HECTD4: variants seen among roughly 807,000 people sequenced by gnomAD.
HECTD4 encodes HECT domain E3 ubiquitin protein ligase 4, also known as probable E3 ubiquitin-protein ligase HECTD4.
In HECTD4, 114 loss-of-function variants were observed where a neutral mutation model predicts 471.5. That is an observed-to-expected ratio of 0.24 (90% CI 0.21 to 0.28). HECTD4 has a LOEUF of 0.28. HECTD4 is among the 10% of genes least tolerant of loss of function. The pLI, the probability that HECTD4 is intolerant of heterozygous loss-of-function variation, is 1.00. For synonymous variants in HECTD4, 2,012 were observed against 2,256.0 expected (o/e 0.89, Z 3.07); for missense variants, 3,866 against 5,651.5 (o/e 0.68, Z 10.13).
In HECTD4 at chr12:112,265,252, G is replaced by A. The variant is rs753160177; in HGVS notation, c.2542C>T (p.Arg848Ter). The A allele has an allele frequency of 1.9e-6, 3 of 1,588,788 alleles. No individual in the cohort carries two copies. The highest frequency in any genetic ancestry group is 2.7e-5 in the African/African-American group (2 of 74,326). ...LLHYILKIVV[R>*]ESCILITKCQ... The stretch of plus-strand genomic sequence containing the variant: ...TTGGTGATTAAGATACAGGATTCTC[G>A]TACAACAATCTTCAGAATGTAGTGT... Residue 848 changes from arginine to a stop codon, truncating the protein, a stop_gained, in exon 16 of 76, where the codon CGA becomes TGA. Transcript: ENST00000682272. LOFTEE classifies it high-confidence loss of function.
intron 8 of HECTD4, among the ~76,000 whole-genome samples, chr12:112,282,180 G>C (rs889993363): frequency 6.6e-6 from 1 of 152,076 alleles, no homozygotes; most frequent in African/African-American, 2.4e-5. Context: ...TCAGGAGATC[G>C]AGACCATCCT....
At position 112,243,912 on chromosome 12, in the gene HECTD4, A is replaced by G. The variant is rs774117409; in HGVS notation, c.4611T>C (p.Ile1537=). The G allele has an allele frequency of 3.3e-5, 53 of 1,613,900 alleles. No individual in the cohort carries two copies. The highest frequency in any genetic ancestry group is 6.7e-5 in the East Asian group (3 of 44,904). ...TAGTAAATTCCAAATCTTCATTACC[A>G]ATCATTTCCAGGTCAGAAGGAGCTG... The part of the protein sequence containing the change: ...SMSAPSDLEM[I]GNEDLEFTRA... Residue 1537 remains isoleucine, a synonymous_variant, in exon 30 of 76, where the codon ATT becomes ATC. Transcript: ENST00000682272. The surrounding 1 kb of genome is among the most constrained non-coding windows in gnomAD (Gnocchi z 6.6).
intron 1 of HECTD4, chr12:112,322,366 G>C (rs1313212546): frequency 2.0e-5 from 3 of 151,732 alleles, no homozygotes; most frequent in Admixed American, 2.0e-4. Flanking sequence ...GGGAGACCCT[G>C]TCTCAAAAAA....
chr12:112,312,488 G>A (rs779985262), intron 4 of HECTD4, among the ~76,000 whole-genome samples: 20 of 152,234 alleles, frequency 1.3e-4, no homozygotes, highest in Non-Finnish European at 2.2e-4. Flanking sequence ...CATTTTTGTT[G>A]AGATAATGTA....
intron 48 of HECTD4, among the ~76,000 whole-genome samples, chr12:112,215,143 A>T (rs1320348788): frequency 6.6e-6 from 1 of 152,054 alleles, no homozygotes; most frequent in Non-Finnish European, 1.5e-5. Context: ...ACAGAGCAAG[A>T]CTCCACTTCA....
chr12:112,296,219 A>G (rs1197620198), intron 7 of HECTD4, among the ~76,000 whole-genome samples: 8 of 148,194 alleles, frequency 5.4e-5, no homozygotes. Flanking sequence ...AGACAGTGGT[A>G]GGTGCAGACA....
intron 1 of HECTD4, among the ~76,000 whole-genome samples, chr12:112,327,994 G>A (rs960184418): frequency 3.3e-5 from 5 of 152,124 alleles, no homozygotes; most frequent in South Asian, 2.1e-4. Context: ...TATACTCCCC[G>A]GTATGGGACA....
Position 112,184,498 on chromosome 12 carries a change from T to G in HECTD4, c.10468A>C (p.Ser3490Arg). 1 of 1,609,368 alleles carries G rather than the reference T, an allele frequency of 6.2e-7. No homozygotes were observed. Among genetic ancestry groups the G allele is most frequent in the Non-Finnish European group, 8.5e-7 (1 of 1,178,178 alleles). The change falls in exon 61 of 76, where the codon AGC (serine) becomes CGC (arginine). Residue 3490 changes from serine to arginine, a missense_variant. Transcript: ENST00000682272. This position sits in a 1 kb window ranked among gnomAD's most constrained non-coding sequence, Gnocchi z 9.1. ...AMSISASAST[S>R]QASICSSQGI... ...TGCGAGCTGCAGATGGAGGCCTGGC[T>G]GGTGGAGGCGGAGGCGCTGATGCTC...
chr12:112,302,003 C>T (rs1399187479), intron 7 of HECTD4: 2 of 915,016 alleles, frequency 2.2e-6, no homozygotes, highest in African/African-American at 1.6e-5. Flanking sequence ...GTCATTGGTC[C>T]TGATACCTTC....
intron 1 of HECTD4, among the ~76,000 whole-genome samples, chr12:112,357,889 C>T (rs1431730464): frequency 6.6e-6 from 1 of 152,192 alleles, no homozygotes; most frequent in Non-Finnish European, 1.5e-5. Context: ...ACTGCAGAAG[C>T]CTCCATGTTC....
At chr12:112,277,047 TAC>T (rs1340790460) in intron 9 of HECTD4, among the ~76,000 whole-genome samples, 3 of 152,130 alleles carry the variant, frequency 2.0e-5, no homozygotes, top group Non-Finnish European at 2.9e-5. Context: ...AGGGTAAACA[TAC>T]AGTTACCATA....
At position 112,235,805 on chromosome 12, in the gene HECTD4, G is replaced by GGTACAC. The variant is rs765632394; in HGVS notation, c.5445-27_5445-22dup. 6.3e-7 allele frequency: 1 copy of GGTACAC among 1,592,856 alleles called. No homozygotes were observed. Among genetic ancestry groups the GGTACAC allele is most frequent in the South Asian group, 1.1e-5 (1 of 87,520 alleles). On this transcript the variant is annotated intron_variant, in intron 35 of 75. Transcript: ENST00000682272. The surrounding 1 kb of genome is among the most constrained non-coding windows in gnomAD (Gnocchi z 5.0). ...GGCTCCTGGGAAAAAAGGAAGAAAA[G>GGTACAC]GTACACAGTGCTAGAAATGTTGATC...
intron 8 of HECTD4, among the ~76,000 whole-genome samples, chr12:112,280,065 C>A (rs2135636527): frequency 6.6e-6 from 1 of 151,636 alleles, no homozygotes; most frequent in Non-Finnish European, 1.5e-5. Flanking sequence ...TTTTTTTTTC[C>A]CATTTTATAT....
chr12:112,288,497 C>G (rs182864420), intron 7 of HECTD4, among the ~76,000 whole-genome samples: 2 of 152,098 alleles, frequency 1.3e-5, no homozygotes, highest in Admixed American at 1.3e-4. Context: ...TGGCATGAGC[C>G]TGTAGTCCCA....
At chr12:112,221,649 C>T (rs571653239) in intron 44 of HECTD4, among the ~76,000 whole-genome samples, 5 of 152,148 alleles carry the variant, frequency 3.3e-5, no homozygotes, top group Admixed American at 6.5e-5. Flanking sequence ...TAACCTGGTG[C>T]GGTTTCTCAT....
At chr12:112,292,980 C>A (rs1483506586) in intron 7 of HECTD4, among the ~76,000 whole-genome samples, 1 of 151,448 alleles carries the variant, frequency 6.6e-6, no homozygotes, top group East Asian at 1.9e-4. Flanking sequence ...TGAGATCACA[C>A]CATTGCACTC....
rs535700898 is a variant in HECTD4 at position 112,200,743 on chromosome 12, C to T, written c.8462G>A (p.Arg2821Gln). Reference sequence around the variant, plus strand: ...CAACATGTCAATAGGATACCAGTATCGCACCAGCACACCTTCACTGCGGAG... The same window carrying T: ...CAACATGTCAATAGGATACCAGTATTGCACCAGCACACCTTCACTGCGGAG... ...TYLRSEGVLV[R>Q]YWYPIDMLER... Residue 2821 changes from arginine (R) to glutamine (Q), a missense_variant, in exon 55 of 76, where the codon CGA becomes CAA. Around this residue, in one of 16 missense-constraint regions of HECTD4, gnomAD observed 266 missense variants for 441.6 expected, o/e 0.60. Coordinates refer to ENST00000682272, the MANE Select transcript of HECTD4 (RefSeq NM_001388303.1). 2.4e-5 allele frequency: 39 copies of T among 1,613,796 alleles called. No homozygotes were observed. Among genetic ancestry groups the T allele is most frequent in the Admixed American group, 1.7e-5 (1 of 59,968 alleles).
intron 7 of HECTD4, among the ~76,000 whole-genome samples, chr12:112,300,954 G>A (rs560324552): frequency 1.4e-4 from 20 of 147,396 alleles, no homozygotes; most frequent in African/African-American, 4.5e-4. Flanking sequence ...GCACAATCTC[G>A]GCTCACTGCA....
At chr12:112,349,445 A>AAACC (rs1282096280) in intron 1 of HECTD4, among the ~76,000 whole-genome samples, 1 of 152,042 alleles carries the variant, frequency 6.6e-6, no homozygotes, top group Non-Finnish European at 1.5e-5. Context: ...ATGCATAAAG[A>AAACC]AACCTAGAAG....
Sources: allele counts gnomAD v4.1 joint callset (sites outside exome capture counted in the v4.1 genomes callset), GRCh38; gene constraint gnomAD v4.1.1; regional missense constraint gnomAD v4.1.1; non-coding constraint Gnocchi (gnomAD v3.1); transcripts MANE v1.5; gene names NCBI Gene and HGNC (gene_info 2026-07-23, HGNC 2026-07-21).